Variants in EXOC4 observed in about 807,000 individuals in gnomAD.
The protein encoded by EXOC4 is exocyst complex component 4.
In EXOC4, 71 loss-of-function variants were observed where a neutral mutation model predicts 107.2. That is an observed-to-expected ratio of 0.66 (90% confidence interval 0.55 to 0.81). The LOEUF is 0.81. EXOC4 is among the 30% of genes least tolerant of loss of function. EXOC4 has a pLI of 0.00. For missense variants in EXOC4, 1,108 were observed against 1,189.6 expected (o/e 0.93, Z 1.01); for synonymous variants, 456 against 441.2 (o/e 1.03, Z -0.42).
At chr7:133,818,896 A>G (rs910059908) in intron 11 of EXOC4, among the ~76,000 whole-genome samples, 1 of 151,416 alleles carries the variant, frequency 6.6e-6, no homozygotes, top group African/African-American at 2.4e-5. Context: ...GTGTCTGTGG[A>G]CTGTGTCATG....
intron 9 of EXOC4, among the ~76,000 whole-genome samples, chr7:133,569,930 G>A (rs1416867985): frequency 6.6e-6 from 1 of 152,156 alleles, no homozygotes; most frequent in Non-Finnish European, 1.5e-5. Flanking sequence ...TATCACCAGT[G>A]TACATACTTG....
intron 14 of EXOC4, among the ~76,000 whole-genome samples, chr7:133,968,383 T>G (rs1383893667): frequency 6.6e-6 from 1 of 152,216 alleles, no homozygotes; most frequent in African/African-American, 2.4e-5. Context: ...CCTGTCATTA[T>G]GATGCTAGCT....
the EXOC4 span, among the ~76,000 whole-genome samples, chr7:134,077,052 T>C: frequency 6.6e-6 from 1 of 152,008 alleles, no homozygotes; most frequent in South Asian, 2.1e-4. Flanking sequence ...TTATGGAGAC[T>C]GAGAAGTTCC....
In EXOC4 at chr7:133,997,652, C is replaced by T. The variant is rs1794428460; in HGVS notation, c.2348+19C>T. On this transcript the variant is annotated intron_variant, in intron 15 of 17. Transcript: ENST00000253861. ...AAGTGAGGTATGATACAGCCAAGCC[C>T]AGGACCTTGCAATTTGAATGCACTG... 6.2e-7 allele frequency: 1 copy of T among 1,608,692 alleles called. No individual in the cohort carries two copies.
chr7:133,534,979 A>G (rs750853669), intron 9 of EXOC4, among the ~76,000 whole-genome samples: 3 of 152,168 alleles, frequency 2.0e-5, no homozygotes, highest in Non-Finnish European at 2.9e-5. Context: ...TTTTGTGCCT[A>G]TGAGGCAGAA....
intron 9 of EXOC4, among the ~76,000 whole-genome samples, chr7:133,537,305 C>CG (rs1262881422): frequency 7.5e-5 from 11 of 146,822 alleles, no homozygotes; most frequent in Admixed American, 4.7e-4. Flanking sequence ...CACCCCCCCC[C>CG]CCACCACACC....
intron 11 of EXOC4, among the ~76,000 whole-genome samples, chr7:133,823,019 G>A (rs1411474591): frequency 1.3e-5 from 2 of 152,324 alleles, no homozygotes; most frequent in Non-Finnish European, 1.5e-5. Context: ...TACAGGATGA[G>A]CCTACATTTT....
the EXOC4 span, among the ~76,000 whole-genome samples, chr7:134,089,523 C>T: frequency 6.6e-6 from 1 of 152,174 alleles, no homozygotes; most frequent in African/African-American, 2.4e-5. Context: ...CAACATCTAA[C>T]TTCACGTGTC....
chr7:133,404,749 C>T (rs374773147), intron 7 of EXOC4, among the ~76,000 whole-genome samples: 4 of 151,758 alleles, frequency 2.6e-5, no homozygotes, highest in African/African-American at 4.8e-5. Flanking sequence ...GAAAAGGCTG[C>T]GTGCAGTGGC....
chr7:133,284,350 A>G (rs1024627535), intron 2 of EXOC4, among the ~76,000 whole-genome samples: 3 of 152,254 alleles, frequency 2.0e-5, no homozygotes, highest in Middle Eastern at 3.4e-3. Context: ...ACCGTTACAC[A>G]TAGAGGAAAA....
intron 14 of EXOC4, among the ~76,000 whole-genome samples, chr7:133,948,986 A>G (rs1206877066): frequency 6.6e-6 from 1 of 152,244 alleles, no homozygotes; most frequent in African/African-American, 2.4e-5. Flanking sequence ...TCCCAAAGCT[A>G]CAGCAGCAAG....
intron 10 of EXOC4, among the ~76,000 whole-genome samples, chr7:133,782,197 A>G (rs1182538022): frequency 6.6e-6 from 1 of 152,128 alleles, no homozygotes. Flanking sequence ...TATTTATCAA[A>G]GTGCTACATT....
At chr7:134,050,032 T>TTA (rs1471928601) in intron 17 of EXOC4, among the ~76,000 whole-genome samples, 1 of 152,224 alleles carries the variant, frequency 6.6e-6, no homozygotes, top group East Asian at 1.9e-4. Flanking sequence ...CAGGCTCTAT[T>TTA]GTTAAGTAGA....
At chr7:133,938,943 C>T (rs1321835625) in intron 14 of EXOC4, among the ~76,000 whole-genome samples, 1 of 152,164 alleles carries the variant, frequency 6.6e-6, no homozygotes, top group African/African-American at 2.4e-5. Flanking sequence ...GCTGGGATTA[C>T]AAGTGTGCAC....
At chr7:133,687,287 A>C (rs531791295) in intron 10 of EXOC4, among the ~76,000 whole-genome samples, 2 of 152,038 alleles carry the variant, frequency 1.3e-5, no homozygotes, top group Non-Finnish European at 2.9e-5. Context: ...TTAAAAGACT[A>C]CAAATTGGGT....
intron 3 of EXOC4, among the ~76,000 whole-genome samples, chr7:133,297,314 C>T (rs1181783463): frequency 6.6e-6 from 1 of 152,140 alleles, no homozygotes; most frequent in Admixed American, 6.6e-5. Flanking sequence ...CTGACTTGCA[C>T]TCTTTAGAAC....
intron 7 of EXOC4, among the ~76,000 whole-genome samples, chr7:133,467,527 CTT>C (rs145018259): frequency 4.2e-4 from 61 of 146,610 alleles, no homozygotes; most frequent in African/African-American, 1.4e-3. Flanking sequence ...GTTTAAAACT[CTT>C]TTTCATTGCC....
intron 5 of EXOC4, among the ~76,000 whole-genome samples, chr7:133,348,807 A>G (rs1234763531): frequency 6.6e-6 from 1 of 152,240 alleles, no homozygotes; most frequent in Admixed American, 6.5e-5. Flanking sequence ...AAATTTGGAA[A>G]TATAAATGAC....
chr7:133,384,947 T>A (rs1796696109), intron 7 of EXOC4, among the ~76,000 whole-genome samples: 1 of 152,132 alleles, frequency 6.6e-6, no homozygotes, highest in South Asian at 2.1e-4. Context: ...GACATGGCAT[T>A]GGCTGAGAAC....
Sources: allele counts gnomAD v4.1 joint callset (sites outside exome capture counted in the v4.1 genomes callset), GRCh38; gene constraint gnomAD v4.1.1; transcripts MANE v1.5; gene names NCBI Gene and HGNC (gene_info 2026-07-23, HGNC 2026-07-21).